CEP164: variants seen among roughly 807,000 people sequenced by gnomAD.
The protein encoded by CEP164 is centrosomal protein 164.
Under a neutral mutation model 182.7 loss-of-function variants are expected in CEP164, and 162 were observed. That is an observed-to-expected ratio of 0.89 (90% CI 0.78 to 1.01). The LOEUF is 1.01. Ranked by LOEUF, CEP164 falls within the 50% of genes least tolerant of loss-of-function variation. The pLI is 0.00. For missense variants in CEP164, 1,735 were observed against 1,790.4 expected, an observed-to-expected ratio of 0.97 and a Z score of 0.56; for synonymous variants, 661 against 690.0, an observed-to-expected ratio of 0.96 and a Z score of 0.66.
intron 25 of CEP164, 84 bp downstream of exon 25, chr11:117,396,264 C>G: frequency 6.9e-7 from 1 of 1,453,574 alleles, no homozygotes; most frequent in Non-Finnish European, 9.5e-7. Flanking sequence ...GGGAGTACTT[C>G]CAGAGGGGAC....
intron 25 of CEP164, 94 bp downstream of exon 25, chr11:117,396,274 C>T: frequency 2.2e-6 from 3 of 1,389,282 alleles, no homozygotes; most frequent in African/African-American, 1.4e-5. Context: ...CCAGAGGGGA[C>T]AGCTCATCAG....
At chr11:117,387,459 G>A (rs776091173) in intron 15 of CEP164, 47 bp downstream of exon 15, 2 of 1,585,560 alleles carry the variant, frequency 1.3e-6, no homozygotes, top group Non-Finnish European at 1.7e-6. Flanking sequence ...TTTCAGGGAT[G>A]TGAGGAGCCA....
At position 117,394,636 on chromosome 11, in the gene CEP164, G is replaced by T; in HGVS notation, c.2760+143G>T. On this transcript the variant is annotated intron_variant, in intron 21 of 32. Transcript: ENST00000278935. This position sits in a 1 kb window ranked among gnomAD's most constrained non-coding sequence, Gnocchi z 4.0. ...CTCTCACTGGCCATCTCCAAGCTGGGGCATCCTTGTTACTTTGTTTTCTGG... is the reference window on the plus strand; with the variant it reads ...CTCTCACTGGCCATCTCCAAGCTGGTGCATCCTTGTTACTTTGTTTTCTGG... The T allele has an allele frequency of 8.4e-7, 1 of 1,185,212 alleles. No homozygotes were observed. Among genetic ancestry groups the T allele is most frequent in the Non-Finnish European group, 1.2e-6 (1 of 854,400 alleles). 73.4% of individuals were successfully genotyped at this position (1,185,212 alleles called of 1,614,324 possible).
At chr11:117,350,503 T>C (rs572481740) in intron 4 of CEP164, among the ~76,000 whole-genome samples, 21 of 152,346 alleles carry the variant, frequency 1.4e-4, no homozygotes, top group African/African-American at 4.8e-4. Flanking sequence ...TCCCAGTGTT[T>C]AGTGATGTGG....
Position 117,397,880 on chromosome 11 carries a change from C to G in CEP164, c.3501+567C>G, listed in dbSNP as rs182901798. ...CAGAGCCAAACCATATCATTCCACC[C>G]CTTGCCCCTCCATATCTCATGTCCT... is the stretch of plus-strand genomic sequence containing the variant. On this transcript the variant is annotated intron_variant, in intron 27 of 32. Coordinates refer to ENST00000278935, the MANE Select transcript of CEP164 (RefSeq NM_014956.5). Among the ~76,000 whole-genome samples the G allele has an allele frequency of 6.0e-4, 92 of 152,254 alleles. 1 individual carries two copies. Among genetic ancestry groups the G allele is most frequent in the Admixed American group, 2.7e-3 (41 of 15,288 alleles).
intron 5 of CEP164, among the ~76,000 whole-genome samples, chr11:117,357,092 A>G (rs2040393312): frequency 6.6e-6 from 1 of 152,024 alleles, no homozygotes; most frequent in Non-Finnish European, 1.5e-5. Context: ...AGTTAATATT[A>G]TTTTTTATTT....
At chr11:117,385,483 C>G (rs1252147096) in intron 14 of CEP164, 1 of 152,382 alleles carries the variant, frequency 6.6e-6, no homozygotes, top group Non-Finnish European at 1.5e-5. Context: ...TGCTCATAGC[C>G]TGGGCACATG....
At position 117,409,616 on chromosome 11, in the gene CEP164, A is replaced by G. The variant is rs1482717760; in HGVS notation, c.3749-2A>G. On this transcript the variant is annotated splice_acceptor_variant, in intron 29 of 32. Transcript: ENST00000278935. LOFTEE classifies it high-confidence loss of function. This position sits in a 1 kb window ranked among gnomAD's most constrained non-coding sequence, Gnocchi z 4.4. The stretch of plus-strand genomic sequence containing the variant: ...TCCCACCATCCACCTCTTTTCTTTC[A>G]GTCGACTCAACCCCGAGTCTCACCT... The G allele has an allele frequency of 2.5e-6, 4 of 1,602,142 alleles. No individual in the cohort carries two copies. Among genetic ancestry groups the G allele is most frequent in the Non-Finnish European group, 3.4e-6 (4 of 1,171,382 alleles).
At chr11:117,366,299 G>A (rs1268557443) in intron 8 of CEP164, among the ~76,000 whole-genome samples, 18 of 152,210 alleles carry the variant, frequency 1.2e-4, no homozygotes, top group Admixed American at 1.0e-3. Flanking sequence ...GACAGCTTAC[G>A]ATGGAGATGG....
intron 5 of CEP164, among the ~76,000 whole-genome samples, chr11:117,353,185 G>A (rs1262793840): frequency 2.0e-5 from 3 of 152,166 alleles, no homozygotes; most frequent in African/African-American, 7.2e-5. Flanking sequence ...ACCCTCTTCA[G>A]TTGTCCAGTT....
At chr11:117,397,740 C>T (rs181199482) in intron 27 of CEP164, among the ~76,000 whole-genome samples, 275 of 152,196 alleles carry the variant, frequency 1.8e-3, no homozygotes, top group African/African-American at 6.0e-3. Context: ...TTCACTATCA[C>T]GAGAACAGTA....
At chr11:117,361,710 C>T in intron 5 of CEP164, 125 bp from the exon 6 acceptor site, 2 of 906,566 alleles carry the variant, frequency 2.2e-6, no homozygotes, top group Non-Finnish European at 3.5e-6. Context: ...CATTAGCAGC[C>T]TCTGAGCGGA....
At chr11:117,365,567 A>ATTTCTTTC (rs34968044) in intron 8 of CEP164, among the ~76,000 whole-genome samples, 188 of 151,318 alleles carry the variant, frequency 1.2e-3, no homozygotes, top group African/African-American at 3.8e-3. Context: ...TGAAAGGTGG[A>ATTTCTTTC]TTTCTTTCTT....
chr11:117,407,045 C>T (rs1039311602), intron 27 of CEP164, among the ~76,000 whole-genome samples: 4 of 151,706 alleles, frequency 2.6e-5, no homozygotes, highest in African/African-American at 4.9e-5. Flanking sequence ...TGCAGTGAGC[C>T]GAGATCGCAC....
intron 5 of CEP164, among the ~76,000 whole-genome samples, chr11:117,357,423 C>CTT (rs4018866): frequency 0.01 from 1,254 of 121,508 alleles, 22 homozygotes; most frequent in Non-Finnish European, 0.017. Context: ...AGTTAATATT[C>CTT]TTTTTTTTTT....
rs116804346 is a variant in CEP164, at chr11:117,344,290, G to A, written c.194+13G>A. ...AGTGGAAACCATGGTAAGTCAGCAG[G>A]GGGTGCGGCCACTGACTTGGCCTAG... On this transcript the variant is annotated intron_variant, in intron 4 of 32. Transcript: ENST00000278935. 1.8e-5 allele frequency: 29 copies of A among 1,585,930 alleles called. No individual in the cohort carries two copies. Among genetic ancestry groups the A allele is most frequent in the Non-Finnish European group, 2.5e-5 (29 of 1,157,546 alleles).
At chr11:117,336,664 G>A in intron 2 of CEP164, 2 of 956,962 alleles carry the variant, frequency 2.1e-6, no homozygotes, top group Non-Finnish European at 3.4e-6. Context: ...TTCCACGGCT[G>A]CCTGGGCTTG....
At position 117,413,078 on chromosome 11, in the gene CEP164, G is replaced by A. The variant is rs545569763; in HGVS notation, c.*910G>A. On this transcript the variant is annotated 3_prime_UTR_variant, in exon 33 of 33. Transcript: ENST00000278935. ...GCTGCCTCAGGCAGGCAGGCAAGGA[G>A]CTAGGCCGGTGCCCGGCCCTGGCAG... 11 of 152,412 alleles carry A rather than the reference G, an allele frequency of 7.2e-5. No homozygotes were observed. Among genetic ancestry groups the A allele is most frequent in the Admixed American group, 7.2e-4 (11 of 15,312 alleles). 9.4% of individuals were successfully genotyped at this position (152,412 alleles called of 1,614,324 possible).
chr11:117,337,050 C>G (rs1265672757), intron 2 of CEP164, among the ~76,000 whole-genome samples: 1 of 152,226 alleles, frequency 6.6e-6, no homozygotes, highest in South Asian at 2.1e-4. Context: ...CGCCCCATCC[C>G]TGGAGCTAGA....
Sources: gnomAD v4.1 joint callset for allele counts (sites outside exome capture counted in the v4.1 genomes callset) on GRCh38, gnomAD v4.1.1 for gene constraint, Gnocchi (gnomAD v3.1) non-coding constraint, MANE v1.5 for transcripts, NCBI Gene and HGNC (gene_info 2026-07-23, HGNC 2026-07-21) for gene names.